The following ATAD3B variants were observed in gnomAD, a reference collection of about 807,000 sequenced individuals.
ATAD3B encodes ATPase family AAA domain containing 3B, also known as ATPase family AAA domain-containing protein 3B.
Under a neutral mutation model 70.2 loss-of-function variants are expected in ATAD3B, and 59 were observed. That is an observed-to-expected ratio of 0.84 (90% CI 0.68 to 1.04). The LOEUF (loss-of-function observed/expected upper bound fraction) is 1.04. Ranked by LOEUF, ATAD3B falls within the 50% of genes least tolerant of loss-of-function variation. The pLI is 0.00. For synonymous variants in ATAD3B, 423 were observed against 388.6 expected (o/e 1.09, Z -1.04); for missense variants, 961 against 913.4 (o/e 1.05, Z -0.67).
rs150536426 is a variant in ATAD3B at position 1,485,054 on chromosome 1, A to C, written c.789A>C (p.Ser263=). 4.3e-4 allele frequency: 697 copies of C among 1,605,988 alleles called. 8 individuals carry two copies. The African/African-American group carries it at 7.9e-3, about 18-fold the overall frequency. The part of the protein sequence containing the change: ...GLTLLAVGVY[S]AKNATAVTGR... The stretch of plus-strand genomic sequence containing the variant: ...CGCTGCTGGCTGTCGGGGTCTACTC[A>C]GCCAAGAATGCGACAGCCGTCACTG... Residue 263 remains serine (S), a synonymous_variant, in exon 8 of 16, where the codon TCA becomes TCC. Transcript: ENST00000673477.
intron 13 of ATAD3B, chr1:1,489,762 G>A: frequency 7.7e-7 from 1 of 1,305,976 alleles, no homozygotes. Context: ...GGCACGTTGG[G>A]CTCCTGGGTC....
At chr1:1,473,371 AT>A (rs1331474387) in intron 1 of ATAD3B, among the ~76,000 whole-genome samples, 1 of 147,404 alleles carries the variant, frequency 6.8e-6, no homozygotes, top group East Asian at 2.1e-4. Context: ...CTCGTGATTA[AT>A]TTTTTGTATT....
At chr1:1,478,827 C>G in intron 3 of ATAD3B, 82 bp downstream of exon 3, 1 of 1,138,420 alleles carries the variant, frequency 8.8e-7, no homozygotes, top group African/African-American at 1.8e-5. Flanking sequence ...GGTGTGGTCC[C>G]GGGGCACTCT....
downstream of ATAD3B, among the ~76,000 whole-genome samples, chr1:1,499,586 CTTTTTTT>C (rs71578322): frequency 1.5e-5 from 1 of 65,760 alleles, no homozygotes; most frequent in Non-Finnish European, 2.7e-5. Context: ...CCAAACAGCT[CTTTTTTT>C]TTTTTTTTTT....
chr1:1,482,453 G>T, intron 6 of ATAD3B, 92 bp from the exon 7 acceptor site: 1 of 1,606,438 alleles, frequency 6.2e-7, no homozygotes, highest in South Asian at 1.1e-5. Context: ...GCAAGGCCGT[G>T]CCGCCATGTC....
At chr1:1,499,279 CT>C (rs752359726), downstream of ATAD3B, among the ~76,000 whole-genome samples, 2,340 of 113,826 alleles carry the variant, frequency 0.021, 59 homozygotes, top group African/African-American at 0.065. Context: ...CCTGGAATAC[CT>C]TTTTTTTTTT....
intron 15 of ATAD3B, among the ~76,000 whole-genome samples, chr1:1,491,644 C>G (rs1282004177): frequency 1.3e-5 from 2 of 152,058 alleles, no homozygotes; most frequent in Admixed American, 1.3e-4. Flanking sequence ...TCCGCAGAGT[C>G]TGTGTGACAA....
intron 15 of ATAD3B, among the ~76,000 whole-genome samples, chr1:1,494,581 G>A (rs537651756): frequency 1.3e-4 from 20 of 152,000 alleles, no homozygotes; most frequent in Admixed American, 3.9e-4. Context: ...GGCTCTTGGC[G>A]AGGGGTGGGC....
chr1:1,482,807 C>A, intron 7 of ATAD3B, 193 bp downstream of exon 7: 2 of 818,398 alleles, frequency 2.4e-6, no homozygotes, highest in South Asian at 1.7e-5. Context: ...ATGCAGTTGC[C>A]AGCCTGGGCC....
intron 15 of ATAD3B, among the ~76,000 whole-genome samples, chr1:1,491,062 T>C (rs1156307092): frequency 6.6e-6 from 1 of 151,870 alleles, no homozygotes; most frequent in Non-Finnish European, 1.5e-5. Context: ...GGAGGGACGT[T>C]GTGTTTCCTG....
At chr1:1,474,124 G>C (rs181311066) in intron 1 of ATAD3B, among the ~76,000 whole-genome samples, 1 of 151,962 alleles carries the variant, frequency 6.6e-6, no homozygotes, top group Admixed American at 6.6e-5. Context: ...GGTAAAAGCC[G>C]TCCAACCGTC....
At position 1,485,809 on chromosome 1, in the gene ATAD3B, C is replaced by T. The variant is rs747763606; in HGVS notation, c.934C>T (p.Gln312Ter). Residue 312 changes from glutamine (Q) to a stop codon, truncating the protein, a stop_gained, in exon 9 of 16, where the codon CAG (glutamine) becomes TAG (stop). Coordinates refer to ENST00000673477, the MANE Select transcript of ATAD3B (RefSeq NM_031921.6). LOFTEE classifies it high-confidence loss of function. ...QVSRRLLSRP[Q>*]DVLEGVVLSP... Reference sequence around the variant, plus strand: ...CAGCCGGCGGCTCCTCAGTCGACCCCAGGACGTGCTGGAGGGTGTTGTGCT... The same window carrying T: ...CAGCCGGCGGCTCCTCAGTCGACCCTAGGACGTGCTGGAGGGTGTTGTGCT... 17 of 1,613,124 alleles carry T rather than the reference C, an allele frequency of 1.1e-5. No individual in the cohort carries two copies. The highest frequency in any genetic ancestry group is 1.4e-5 in the Non-Finnish European group (17 of 1,179,458).
the ATAD3B span, among the ~76,000 whole-genome samples, chr1:1,503,868 A>G: frequency 2.0e-5 from 3 of 151,978 alleles, no homozygotes; most frequent in Admixed American, 6.6e-5. Flanking sequence ...AGGGAGGGCC[A>G]GTGTTGGTGA....
chr1:1,478,223 C>T, intron 2 of ATAD3B: 1 of 469,150 alleles, frequency 2.1e-6, no homozygotes, highest in South Asian at 2.6e-5. Flanking sequence ...TCTTGAACTC[C>T]TGACCTCAGG....
chr1:1,508,522 G>A, the ATAD3B span, among the ~76,000 whole-genome samples: 11 of 151,382 alleles, frequency 7.3e-5, 1 homozygote, highest in African/African-American at 2.7e-4. Context: ...TCCTGAGCAC[G>A]GCGCCCAGTG....
intron 7 of ATAD3B, chr1:1,483,060 G>A (rs551888288): frequency 6.6e-6 from 3 of 455,172 alleles, no homozygotes; most frequent in Admixed American, 4.7e-5. Context: ...TTTCGGAGGC[G>A]GAGGTGGGCG....
At position 1,494,525 on chromosome 1, in the gene ATAD3B, G is replaced by A. The variant is rs573303732; in HGVS notation, c.1615-960G>A. 2.7e-3 allele frequency among the ~76,000 whole-genome samples: 414 copies of A among 151,944 alleles called. 2 individuals carry two copies. Among genetic ancestry groups the A allele is most frequent in the African/African-American group, 9.4e-3 (388 of 41,432 alleles). ...GTGTCTCCTGCGCTCCCGGGCCCCC[G>A]ACCCACAGTGGCGGTCCGGCTCCGG... is the stretch of plus-strand genomic sequence containing the variant. On this transcript the variant is annotated intron_variant, in intron 15 of 15. Coordinates refer to ENST00000673477, the MANE Select transcript of ATAD3B (RefSeq NM_031921.6).
chr1:1,499,355 G>T (rs1358587675), downstream of ATAD3B, among the ~76,000 whole-genome samples: 6 of 142,270 alleles, frequency 4.2e-5, no homozygotes, highest in Non-Finnish European at 4.5e-5. Flanking sequence ...TTCTGCCTCA[G>T]CCTCCCAAGT....
the ATAD3B span, among the ~76,000 whole-genome samples, chr1:1,506,889 G>A: frequency 2.0e-5 from 3 of 150,268 alleles, no homozygotes; most frequent in African/African-American, 4.9e-5. Flanking sequence ...TTGGGTTCAC[G>A]CCATTCTCCT....
Sources: allele counts gnomAD v4.1 joint callset (sites outside exome capture counted in the v4.1 genomes callset), GRCh38; gene constraint gnomAD v4.1.1; transcripts MANE v1.5; gene names NCBI Gene and HGNC (gene_info 2026-07-23, HGNC 2026-07-21).